The following TENM3 variants were observed in gnomAD, a reference collection of about 807,000 sequenced individuals.
TENM3 encodes the protein teneurin transmembrane protein 3.
TENM3 carries 63 observed loss-of-function variants against 255.1 expected under a neutral mutation model. The observed-to-expected ratio is 0.25, with a 90% CI of 0.20 to 0.30. The LOEUF (loss-of-function observed/expected upper bound fraction) is 0.30, where lower values mean the gene tolerates loss of function less well. TENM3 is among the 10% of genes least tolerant of loss of function. TENM3 has a pLI of 1.00. For missense variants in TENM3, 2,929 were observed against 3,461.1 expected (o/e 0.85, Z 3.86); for synonymous variants, 1,306 against 1,322.3 (o/e 0.99, Z 0.27).
the TENM3 span, among the ~76,000 whole-genome samples, chr4:181,827,536 T>G: frequency 1.3e-5 from 2 of 152,290 alleles, no homozygotes; most frequent in East Asian, 1.9e-4. Context: ...CAACAAATTC[T>G]TTGTTGATGT....
At chr4:182,667,469 G>A (rs781191311) in intron 6 of TENM3, among the ~76,000 whole-genome samples, 3 of 152,134 alleles carry the variant, frequency 2.0e-5, no homozygotes, top group Non-Finnish European at 4.4e-5. Flanking sequence ...GATTACAGGT[G>A]TGAGCCACCA....
chr4:181,490,827 G>A, the TENM3 span, among the ~76,000 whole-genome samples: 1 of 152,066 alleles, frequency 6.6e-6, no homozygotes, highest in Non-Finnish European at 1.5e-5. Flanking sequence ...ACCCTTTGAT[G>A]AGTCTCTAGA....
At chr4:181,781,575 T>G in the TENM3 span, among the ~76,000 whole-genome samples, 12 of 152,196 alleles carry the variant, frequency 7.9e-5, no homozygotes, top group Admixed American at 6.5e-4. Flanking sequence ...CAGGGACAAT[T>G]TGACTTCCTC....
At chr4:181,844,578 G>A in the TENM3 span, among the ~76,000 whole-genome samples, 1 of 151,852 alleles carries the variant, frequency 6.6e-6, no homozygotes, top group African/African-American at 2.4e-5. Flanking sequence ...TGAGGCAGGA[G>A]AATGGCGTGA....
At chr4:181,895,886 C>A in the TENM3 span, among the ~76,000 whole-genome samples, 6 of 152,078 alleles carry the variant, frequency 3.9e-5, no homozygotes, top group Non-Finnish European at 5.9e-5. Flanking sequence ...CCACCATGCC[C>A]GCCTCAAAGT....
At chr4:181,575,193 ATTTG>A in the TENM3 span, among the ~76,000 whole-genome samples, 2 of 152,232 alleles carry the variant, frequency 1.3e-5, no homozygotes, top group South Asian at 4.1e-4. Context: ...TTCATTATAT[ATTTG>A]TTTTTCTTCT....
At chr4:181,888,494 G>GTATATATATATATATATATATA in the TENM3 span, among the ~76,000 whole-genome samples, 9 of 28,216 alleles carry the variant, frequency 3.2e-4, no homozygotes, top group African/African-American at 8.5e-4. Context: ...ATAGAAATGT[G>GTATATATATATATATATATATA]TATATATATA....
the TENM3 span, among the ~76,000 whole-genome samples, chr4:182,000,548 G>A: frequency 7.2e-5 from 11 of 152,106 alleles, no homozygotes; most frequent in African/African-American, 2.7e-4. Context: ...AGGTGATATT[G>A]CTGTCAGAGA....
chr4:182,211,758 A>G (rs1755056761), intron 1 of TENM3, among the ~76,000 whole-genome samples: 1 of 152,186 alleles, frequency 6.6e-6, no homozygotes, highest in Admixed American at 6.6e-5. Context: ...GATTTACCAA[A>G]TATTTATTTT....
chr4:182,280,750 G>A (rs1760328940), intron 1 of TENM3, among the ~76,000 whole-genome samples: 3 of 152,088 alleles, frequency 2.0e-5, no homozygotes, highest in Admixed American at 6.5e-5. Flanking sequence ...ACTTCTCTGG[G>A]CATCATCTAC....
the TENM3 span, among the ~76,000 whole-genome samples, chr4:181,860,864 G>T: frequency 6.6e-6 from 1 of 152,058 alleles, no homozygotes; most frequent in Admixed American, 6.6e-5. Context: ...TATTTATTCA[G>T]CTGGCTTTGG....
the TENM3 span, among the ~76,000 whole-genome samples, chr4:181,799,243 C>T: frequency 6.6e-6 from 1 of 152,186 alleles, no homozygotes; most frequent in Admixed American, 6.5e-5. Context: ...TGATAGCCTG[C>T]TGATTCTAAA....
chr4:182,186,008 C>T (rs1210700789), intron 1 of TENM3, among the ~76,000 whole-genome samples: 1 of 151,900 alleles, frequency 6.6e-6, no homozygotes, highest in Non-Finnish European at 1.5e-5. Flanking sequence ...CTAGCCTGAA[C>T]GATAAGTATA....
At chr4:181,658,931 C>T in the TENM3 span, among the ~76,000 whole-genome samples, 2 of 152,082 alleles carry the variant, frequency 1.3e-5, no homozygotes, top group Admixed American at 1.3e-4. Flanking sequence ...CAGAGACATT[C>T]GAACCACAGC....
At chr4:181,926,551 G>A in the TENM3 span, among the ~76,000 whole-genome samples, 2 of 152,132 alleles carry the variant, frequency 1.3e-5, no homozygotes, top group East Asian at 3.9e-4. Flanking sequence ...TCCCTGCTAA[G>A]GTTTTTTGGG....
At chr4:181,813,524 A>G in the TENM3 span, among the ~76,000 whole-genome samples, 1 of 152,220 alleles carries the variant, frequency 6.6e-6, no homozygotes, top group Non-Finnish European at 1.5e-5. Context: ...GGTGGTTTGT[A>G]TCTTAAACCC....
intron 3 of TENM3, among the ~76,000 whole-genome samples, chr4:182,348,524 G>C (rs1764974032): frequency 6.6e-6 from 1 of 152,088 alleles, no homozygotes; most frequent in South Asian, 2.1e-4. Context: ...CGTTATAGAA[G>C]ACTAGAATGC....
chr4:182,057,940 C>T, the TENM3 span, among the ~76,000 whole-genome samples: 1 of 151,870 alleles, frequency 6.6e-6, no homozygotes, highest in African/African-American at 2.4e-5. Context: ...AAATCAATAG[C>T]ATTTTTAAAA....
chr4:182,785,003 A>G (rs1047125085), intron 24 of TENM3, among the ~76,000 whole-genome samples: 5 of 152,148 alleles, frequency 3.3e-5, no homozygotes, highest in African/African-American at 1.2e-4. Context: ...AAATGCAGAA[A>G]TCACCGTCTT....
Sources: allele counts gnomAD v4.1 joint callset (sites outside exome capture counted in the v4.1 genomes callset), GRCh38; gene constraint gnomAD v4.1.1; transcripts MANE v1.5; gene names NCBI Gene and HGNC (gene_info 2026-07-23, HGNC 2026-07-21).